The following CCDC150 variants were observed in gnomAD, a reference collection of about 807,000 sequenced individuals.
CCDC150 encodes the protein coiled-coil domain-containing protein 150.
Under a neutral mutation model 156.5 loss-of-function variants are expected in CCDC150, and 151 were observed. The observed-to-expected ratio is 0.97, with a 90% CI of 0.85 to 1.10. CCDC150 has a LOEUF of 1.10. Among genes scored for constraint, CCDC150 ranks in the 50% least tolerant of loss-of-function variants. The probability of loss-of-function intolerance (pLI) is 0.00; values close to 1 mark genes in which losing one functional copy is unlikely to be tolerated. For synonymous variants in CCDC150, 452 were observed against 429.4 expected (o/e 1.05, Z -0.65); for missense variants, 1,312 against 1,268.1 (o/e 1.03, Z -0.53).
intron 15 of CCDC150, among the ~76,000 whole-genome samples, chr2:196,709,314 A>G (rs1022126153): frequency 1.3e-5 from 2 of 152,154 alleles, no homozygotes; most frequent in African/African-American, 4.8e-5. Flanking sequence ...AAGCTTGTGT[A>G]TGCATCACGT....
chr2:196,662,795 G>A (rs984550980), intron 5 of CCDC150, among the ~76,000 whole-genome samples: 2 of 152,174 alleles, frequency 1.3e-5, no homozygotes, highest in African/African-American at 4.8e-5. Flanking sequence ...AAAAAGCCAG[G>A]CACAGTGGTG....
intron 21 of CCDC150, 55 bp downstream of exon 21, chr2:196,721,746 C>A: frequency 1.4e-6 from 2 of 1,389,696 alleles, no homozygotes; most frequent in South Asian, 1.5e-5. Flanking sequence ...AGGAGTAAGT[C>A]ACATTCCCAT....
intron 2 of CCDC150, among the ~76,000 whole-genome samples, chr2:196,654,970 A>T (rs1285074845): frequency 6.6e-6 from 1 of 152,198 alleles, no homozygotes; most frequent in African/African-American, 2.4e-5. Flanking sequence ...GAAGGTTAAG[A>T]TGTGCCAAGT....
chr2:196,723,684 T>A (rs1410242576), intron 21 of CCDC150, among the ~76,000 whole-genome samples: 1 of 152,038 alleles, frequency 6.6e-6, no homozygotes, highest in African/African-American at 2.4e-5. Context: ...GTTGGTAGAA[T>A]GTAGTATCAC....
At chr2:196,725,658 A>C (rs1320560546) in intron 21 of CCDC150, among the ~76,000 whole-genome samples, 1 of 152,238 alleles carries the variant, frequency 6.6e-6, no homozygotes, top group Non-Finnish European at 1.5e-5. Context: ...GAAAAGACAA[A>C]GGCAAAAGAA....
In CCDC150 at chr2:196,719,553, A is replaced by G. The variant is rs1697754613; in HGVS notation, c.2052A>G (p.Thr684=). 1 of 1,612,830 alleles carries G rather than the reference A, an allele frequency of 6.2e-7. No individual in the cohort carries two copies. The change falls in exon 19 of 28, where the codon ACA becomes ACG. Residue 684 remains threonine, a synonymous_variant. Transcript: ENST00000389175. ...AEAKEDNCKV[T]IMLENVLASH... is the part of the protein sequence containing the mutation. ...CTAAAGAAGACAACTGCAAAGTCACAATCATGTTGGAGAATGTGCTGGCTT... is the reference window on the plus strand; with the variant it reads ...CTAAAGAAGACAACTGCAAAGTCACGATCATGTTGGAGAATGTGCTGGCTT...
chr2:196,651,558 G>A (rs906259468), intron 2 of CCDC150, among the ~76,000 whole-genome samples: 6 of 152,098 alleles, frequency 3.9e-5, no homozygotes, highest in Non-Finnish European at 7.4e-5. Flanking sequence ...ATTCTTGGTT[G>A]ACAGTTTTAT....
chr2:196,713,140 GCTCT>G (rs760038184), intron 17 of CCDC150: 37 of 630,496 alleles, frequency 5.9e-5, no homozygotes, highest in Non-Finnish European at 7.8e-5. Flanking sequence ...CATTAGATGC[GCTCT>G]CTGACAGGGA....
At chr2:196,646,139 C>T (rs1276882074) in intron 1 of CCDC150, among the ~76,000 whole-genome samples, 1 of 152,146 alleles carries the variant, frequency 6.6e-6, no homozygotes, top group Non-Finnish European at 1.5e-5. Context: ...TTGCTCATCT[C>T]ATAGGGGAGG....
chr2:196,677,988 T>A (rs1694612031), intron 13 of CCDC150, among the ~76,000 whole-genome samples: 1 of 151,466 alleles, frequency 6.6e-6, no homozygotes, highest in Non-Finnish European at 1.5e-5. Context: ...AGACTCCCTG[T>A]CAAAAAGAAA....
chr2:196,666,699 T>A lies in CCDC150; in HGVS notation c.763-20T>A, dbSNP rs771004406. ...AAATCTTTATCTCACAGAAAAAGAG[T>A]TTTTCTTATACAATTTCAGGTGCAC... On this transcript the variant is annotated intron_variant, in intron 6 of 27. Transcript: ENST00000389175. 6.4e-7 allele frequency: 1 copy of A among 1,567,424 alleles called. No individual in the cohort carries two copies. Among genetic ancestry groups the A allele is most frequent in the Non-Finnish European group, 8.6e-7 (1 of 1,159,188 alleles).
chr2:196,675,578 C>G (rs1694446828), intron 10 of CCDC150, among the ~76,000 whole-genome samples: 1 of 151,322 alleles, frequency 6.6e-6, no homozygotes, highest in Admixed American at 6.6e-5. Flanking sequence ...TTTGATAATT[C>G]CAAAATGGTG....
chr2:196,641,341 C>G (rs1161482595), intron 1 of CCDC150, among the ~76,000 whole-genome samples: 1 of 152,100 alleles, frequency 6.6e-6, no homozygotes, highest in Admixed American at 6.6e-5. Context: ...ACTCCTTCCT[C>G]TCCAGCCAAA....
intron 21 of CCDC150, among the ~76,000 whole-genome samples, chr2:196,723,536 G>A (rs1245382464): frequency 6.6e-6 from 1 of 152,110 alleles, no homozygotes; most frequent in Non-Finnish European, 1.5e-5. Flanking sequence ...AAGCTTTGGT[G>A]TGGGTTAGAC....
Position 196,686,213 on chromosome 2 carries a change from A to G in CCDC150, c.1510-8833A>G, listed in dbSNP as rs1374125007. On this transcript the variant is annotated intron_variant, in intron 13 of 27. Transcript: ENST00000389175. ...TGCTTACACCTGTTACTGCAAATTC[A>G]AAACCCAGGAAAGACTTCTCCTGGG... 4.4e-5 allele frequency: 13 copies of G among 297,410 alleles called. No individual in the cohort carries two copies. In the East Asian group the frequency reaches 5.0e-4, roughly 11 times the overall value. 18.4% of individuals were successfully genotyped at this position (297,410 alleles called of 1,614,324 possible).
intron 12 of CCDC150, 37 bp from the exon 13 acceptor site, chr2:196,677,256 T>G: frequency 7.3e-7 from 1 of 1,379,280 alleles, no homozygotes; most frequent in Non-Finnish European, 1.0e-6. Flanking sequence ...GCTATAAAAT[T>G]GACCTATTCC....
At position 196,656,709 on chromosome 2, in the gene CCDC150, A is replaced by G. The variant is rs781015324; in HGVS notation, c.253A>G (p.Ile85Val). ...CATTAGTCCTATCCAAAATGAAGCA[A>G]TTTGTGCAGGAAAAACAGATATTTT... ...KVISPIQNEA[I>V]CAGKTDILWK... The change falls in exon 3 of 28, where the codon ATT becomes GTT. Residue 85 changes from isoleucine to valine, a missense_variant. Coordinates refer to ENST00000389175, the MANE Select transcript of CCDC150 (RefSeq NM_001080539.2). 6 of 1,613,812 alleles carry G rather than the reference A, an allele frequency of 3.7e-6. No homozygotes were observed. Among genetic ancestry groups the G allele is most frequent in the South Asian group, 1.1e-5 (1 of 91,074 alleles).
At chr2:196,724,650 G>C (rs755116102) in intron 21 of CCDC150, among the ~76,000 whole-genome samples, 3 of 152,122 alleles carry the variant, frequency 2.0e-5, no homozygotes, top group Non-Finnish European at 4.4e-5. Context: ...GCTGGGATTA[G>C]ATCCAGGCAG....
At chr2:196,718,402 A>G in intron 17 of CCDC150, 101 bp from the exon 18 acceptor site, 2 of 934,510 alleles carry the variant, frequency 2.1e-6, no homozygotes, top group Non-Finnish European at 3.1e-6. Context: ...ATAGTAGTGA[A>G]TAAATATATT....
Sources: allele counts gnomAD v4.1 joint callset (sites outside exome capture counted in the v4.1 genomes callset), GRCh38; gene constraint gnomAD v4.1.1; transcripts MANE v1.5; gene names NCBI Gene and HGNC (gene_info 2026-07-23, HGNC 2026-07-21).